The following LRMDA variants were observed in gnomAD, a reference collection of about 807,000 sequenced individuals.
The protein encoded by LRMDA is leucine-rich melanocyte differentiation-associated protein.
LRMDA carries 18 observed loss-of-function variants against 29.8 expected under a neutral mutation model. That is an observed-to-expected ratio of 0.60 (90% CI 0.42 to 0.90). LRMDA has a LOEUF of 0.90. LRMDA is among the 40% of genes least tolerant of loss of function. LRMDA has a pLI of 0.00. For synonymous variants in LRMDA, 125 were observed against 109.4 expected (o/e 1.14, Z -0.89); for missense variants, 273 against 273.9 (o/e 1.00, Z 0.02).
intron 5 of LRMDA, among the ~76,000 whole-genome samples, chr10:76,312,718 G>T (rs1261115121): frequency 1.3e-5 from 2 of 151,800 alleles, no homozygotes; most frequent in Non-Finnish European, 2.9e-5. Flanking sequence ...GATGAATTCG[G>T]ATTATAATGA....
chr10:75,801,763 G>A (rs932350497), intron 2 of LRMDA, among the ~76,000 whole-genome samples: 15 of 152,270 alleles, frequency 9.9e-5, no homozygotes, highest in South Asian at 2.1e-4. Flanking sequence ...AGGAGCTGTC[G>A]AATGGCTTCC....
intron 5 of LRMDA, among the ~76,000 whole-genome samples, chr10:76,220,781 A>C (rs1189210524): frequency 2.6e-5 from 4 of 152,230 alleles, no homozygotes; most frequent in Non-Finnish European, 2.9e-5. Context: ...TGAGGCCAGC[A>C]TCATCCTGAT....
At chr10:76,546,045 G>A (rs1223391574) in intron 6 of LRMDA, among the ~76,000 whole-genome samples, 2 of 152,234 alleles carry the variant, frequency 1.3e-5, no homozygotes, top group South Asian at 4.1e-4. Context: ...TGATGCATGG[G>A]CAAGTCATAG....
chr10:76,253,594 T>G (rs1233332358), intron 5 of LRMDA, among the ~76,000 whole-genome samples: 1 of 152,036 alleles, frequency 6.6e-6, no homozygotes, highest in Non-Finnish European at 1.5e-5. Context: ...CTCTTAAAAG[T>G]TGCTACTATC....
chr10:75,723,326 G>T (rs968276408), intron 2 of LRMDA, among the ~76,000 whole-genome samples: 3 of 152,240 alleles, frequency 2.0e-5, no homozygotes, highest in Non-Finnish European at 4.4e-5. Context: ...TTCCATGGCA[G>T]GCTGAATGTT....
intron 5 of LRMDA, among the ~76,000 whole-genome samples, chr10:76,120,949 C>T (rs897269916): frequency 6.6e-6 from 1 of 151,942 alleles, no homozygotes; most frequent in African/African-American, 2.4e-5. Context: ...TCTCCTGCCT[C>T]AGTCTCCCGA....
intron 2 of LRMDA, among the ~76,000 whole-genome samples, chr10:75,720,287 G>A (rs1011616637): frequency 3.3e-5 from 5 of 152,254 alleles, no homozygotes; most frequent in South Asian, 2.1e-4. Flanking sequence ...GTGGCATTAC[G>A]GAGAGAACAC....
At chr10:75,856,065 T>C (rs1454369979) in intron 2 of LRMDA, among the ~76,000 whole-genome samples, 2 of 152,218 alleles carry the variant, frequency 1.3e-5, no homozygotes, top group Non-Finnish European at 2.9e-5. Flanking sequence ...TTTGGTTCCA[T>C]ATGAACTTTT....
At chr10:76,281,903 G>C (rs1408658399) in intron 5 of LRMDA, among the ~76,000 whole-genome samples, 1 of 152,094 alleles carries the variant, frequency 6.6e-6, no homozygotes, top group Non-Finnish European at 1.5e-5. Context: ...ACTAGCACAG[G>C]AATTTAATGC....
intron 6 of LRMDA, among the ~76,000 whole-genome samples, chr10:76,534,765 T>C (rs187301275): frequency 3.7e-4 from 57 of 152,252 alleles, no homozygotes; most frequent in African/African-American, 1.3e-3. Context: ...CGGGGGTATA[T>C]TGACAAAGAT....
intron 5 of LRMDA, among the ~76,000 whole-genome samples, chr10:76,277,986 G>C (rs1439793355): frequency 2.0e-5 from 3 of 151,380 alleles, no homozygotes; most frequent in African/African-American, 7.4e-5. Flanking sequence ...CCAGTTGTTA[G>C]TTTTCTGTGT....
chr10:76,182,544 A>T (rs1851068703), intron 5 of LRMDA, among the ~76,000 whole-genome samples: 1 of 152,212 alleles, frequency 6.6e-6, no homozygotes, highest in African/African-American at 2.4e-5. Context: ...TGGGAAGCAG[A>T]TGGGAAACAG....
rs1394809337 is a variant in LRMDA, at chr10:75,728,470, G to GTA, written c.131+289978_131+289979dup. On this transcript the variant is annotated intron_variant, in intron 2 of 6. Transcript: ENST00000611255. The stretch of plus-strand genomic sequence containing the variant: ...TGTGTGTGTGTGTGTGTGTGTGTGT[G>GTA]TATGAAAGGTGCATATACAGAGGTG... Among the ~76,000 whole-genome samples, 50 of 139,618 alleles carry GTA rather than the reference G, an allele frequency of 3.6e-4. No homozygotes were observed. In the South Asian group the frequency reaches 6.6e-3, roughly 18 times the overall value. 91.6% of individuals were successfully genotyped at this position (139,618 alleles called of 152,430 possible).
At chr10:76,488,947 A>G (rs1300829146) in intron 6 of LRMDA, among the ~76,000 whole-genome samples, 3 of 151,762 alleles carry the variant, frequency 2.0e-5, no homozygotes, top group Non-Finnish European at 4.4e-5. Context: ...ATTGGCCTAT[A>G]GTTTTCTGTT....
intron 2 of LRMDA, among the ~76,000 whole-genome samples, chr10:75,681,052 G>A (rs1281729817): frequency 2.0e-5 from 3 of 152,072 alleles, no homozygotes; most frequent in African/African-American, 2.4e-5. Flanking sequence ...TATCATAGGC[G>A]GTGCTGCATG....
intron 6 of LRMDA, among the ~76,000 whole-genome samples, chr10:76,436,040 C>T (rs1011974507): frequency 3.9e-5 from 6 of 152,140 alleles, no homozygotes; most frequent in Non-Finnish European, 7.3e-5. Flanking sequence ...TAAAAGGACA[C>T]GCTAGGCTTT....
At chr10:76,029,099 G>A (rs1250551282) in intron 2 of LRMDA, among the ~76,000 whole-genome samples, 1 of 152,130 alleles carries the variant, frequency 6.6e-6, no homozygotes, top group African/African-American at 2.4e-5. Context: ...ACAGGCATGA[G>A]CCATCATGCC....
chr10:75,639,379 G>A (rs1841425316), intron 2 of LRMDA, among the ~76,000 whole-genome samples: 1 of 152,148 alleles, frequency 6.6e-6, no homozygotes, highest in Admixed American at 6.5e-5. Context: ...TGGTAAGGGT[G>A]GAGATGAGGG....
chr10:76,059,620 G>A (rs1848672373), intron 5 of LRMDA, among the ~76,000 whole-genome samples: 1 of 152,190 alleles, frequency 6.6e-6, no homozygotes, highest in African/African-American at 2.4e-5. Flanking sequence ...TGCAACTTGT[G>A]TGTTGAAAAT....
Sources: gnomAD v4.1 joint callset for allele counts (sites outside exome capture counted in the v4.1 genomes callset) on GRCh38, gnomAD v4.1.1 for gene constraint, MANE v1.5 for transcripts, NCBI Gene and HGNC (gene_info 2026-07-23, HGNC 2026-07-21) for gene names.